STAB2: variants seen among roughly 807,000 people sequenced by gnomAD.
STAB2 encodes the protein stabilin-2.
STAB2 carries 288 observed loss-of-function variants against 338.1 expected under a neutral mutation model. That is an observed-to-expected ratio of 0.85 (90% CI 0.77 to 0.94). The LOEUF (loss-of-function observed/expected upper bound fraction) is 0.94, where lower values mean the gene tolerates loss of function less well. Ranked by LOEUF, STAB2 falls within the 40% of genes least tolerant of loss-of-function variation. The pLI is 0.00. For missense variants in STAB2, 3,141 were observed against 3,210.1 expected (o/e 0.98, Z 0.52); for synonymous variants, 1,202 against 1,193.3 (o/e 1.01, Z -0.15).
intron 1 of STAB2, 64 bp downstream of exon 1, chr12:103,587,621 G>A (rs545253711): frequency 5.9e-5 from 80 of 1,364,932 alleles, no homozygotes; most frequent in East Asian, 2.4e-4. Flanking sequence ...AAAGCTTGTC[G>A]TTTTCCTCTG....
chr12:103,646,672 T>C (rs1211441667), intron 9 of STAB2, among the ~76,000 whole-genome samples: 1 of 152,232 alleles, frequency 6.6e-6, no homozygotes, highest in Non-Finnish European at 1.5e-5. Context: ...TTATCATCTT[T>C]GTAGCTCTCT....
At chr12:103,761,054 G>T (rs577126314) in intron 65 of STAB2, among the ~76,000 whole-genome samples, 1 of 152,172 alleles carries the variant, frequency 6.6e-6, no homozygotes, top group Non-Finnish European at 1.5e-5. Context: ...TCACTCATCT[G>T]TCAGACAAGT....
intron 23 of STAB2, among the ~76,000 whole-genome samples, chr12:103,675,467 G>A (rs1345312881): frequency 6.6e-6 from 1 of 152,188 alleles, no homozygotes; most frequent in African/African-American, 2.4e-5. Flanking sequence ...AGACAGAGTA[G>A]AACTCTTCTT....
chr12:103,693,881 G>A (rs1421305155), intron 31 of STAB2, among the ~76,000 whole-genome samples: 1 of 151,892 alleles, frequency 6.6e-6, no homozygotes, highest in Non-Finnish European at 1.5e-5. Context: ...AGTTGGGCAC[G>A]GTGGCTCACT....
chr12:103,622,001 T>C, intron 4 of STAB2, 41 bp from the exon 5 acceptor site: 1 of 1,605,104 alleles, frequency 6.2e-7, no homozygotes, highest in Non-Finnish European at 8.5e-7. Context: ...GTACCATGGG[T>C]CACCTTGGGT....
intron 18 of STAB2, among the ~76,000 whole-genome samples, chr12:103,663,898 T>C (rs1466116926): frequency 6.6e-6 from 1 of 152,090 alleles, no homozygotes. Context: ...GCCTCTTCCT[T>C]CCCCTGTCCC....
chr12:103,724,943 C>T (rs1427674972), intron 44 of STAB2, 32 bp from the exon 45 acceptor site: 1 of 1,610,448 alleles, frequency 6.2e-7, no homozygotes, highest in East Asian at 2.2e-5. Flanking sequence ...CTGGTCTAAT[C>T]CCCATCCCTT....
chr12:103,676,063 T>C lies in STAB2; in HGVS notation c.2646+42T>C, dbSNP rs751123522. ...ATTTCCACCCTGCCTGGTTTCTTTT[T>C]TTTTTTTTTTTTTTTTGAGACAGAG... On this transcript the variant is annotated intron_variant, in intron 24 of 68. Coordinates refer to ENST00000388887, the MANE Select transcript of STAB2 (RefSeq NM_017564.10). 2,199 of 1,318,590 alleles carry C rather than the reference T, an allele frequency of 1.7e-3. 10 individuals are homozygous for C. In the Admixed American group the frequency reaches 0.022, roughly 13 times the overall value. 81.7% of individuals were successfully genotyped at this position (1,318,590 alleles called of 1,614,324 possible). A position where few individuals can be genotyped will look rare whatever the true frequency, so the allele number is the denominator to read the frequency against.
At chr12:103,641,516 G>T (rs1237534336) in intron 9 of STAB2, among the ~76,000 whole-genome samples, 1 of 152,092 alleles carries the variant, frequency 6.6e-6, no homozygotes, top group African/African-American at 2.4e-5. Context: ...ATACACCACA[G>T]CCATGCATAT....
chr12:103,670,695 G>C lies in STAB2; in HGVS notation c.2260-1G>C. On this transcript the variant is annotated splice_acceptor_variant, in intron 21 of 68. Transcript: ENST00000388887. LOFTEE classifies it high-confidence loss of function. Reference sequence around the variant, plus strand: ...CCCATGGGCCCTGCCTTTGCTCCCAGTGTGCAGATAGCCTCGGCGGCAACG... The same window carrying C: ...CCCATGGGCCCTGCCTTTGCTCCCACTGTGCAGATAGCCTCGGCGGCAACG... 6.2e-7 allele frequency: 1 copy of C among 1,613,682 alleles called. No individual in the cohort carries two copies. Among genetic ancestry groups the C allele is most frequent in the Non-Finnish European group, 8.5e-7 (1 of 1,179,750 alleles).
intron 3 of STAB2, among the ~76,000 whole-genome samples, chr12:103,609,876 T>C (rs1379345570): frequency 6.6e-6 from 1 of 152,228 alleles, no homozygotes; most frequent in Non-Finnish European, 1.5e-5. Flanking sequence ...ATACCTAATT[T>C]ATTAAGAGTT....
intron 52 of STAB2, 102 bp downstream of exon 52, chr12:103,735,682 C>T: frequency 1.0e-6 from 1 of 993,968 alleles, no homozygotes; most frequent in South Asian, 1.8e-5. Context: ...TTTTTCCCCT[C>T]CATTCATAGC....
At chr12:103,758,381 G>A (rs1884291734) in intron 64 of STAB2, 92 bp downstream of exon 64, 1 of 1,575,202 alleles carries the variant, frequency 6.3e-7, no homozygotes, top group Admixed American at 1.7e-5. Flanking sequence ...AAACTCAGTG[G>A]CTACACATTT....
chr12:103,693,846 T>C (rs373940659), intron 31 of STAB2, among the ~76,000 whole-genome samples: 31 of 152,122 alleles, frequency 2.0e-4, no homozygotes, highest in Admixed American at 5.2e-4. Context: ...TAACAATTAA[T>C]TGTGTTTTAA....
chr12:103,740,663 T>C lies in STAB2; in HGVS notation c.5788T>C (p.Phe1930Leu). 2 of 1,612,134 alleles carry C rather than the reference T, an allele frequency of 1.2e-6. No individual in the cohort carries two copies. Among genetic ancestry groups the C allele is most frequent in the Non-Finnish European group, 1.7e-6 (2 of 1,179,324 alleles). The stretch of plus-strand genomic sequence containing the variant: ...GCAGAAGTGTCTCTACAACCTGCCC[T>C]TCAAGAGGAACCTGGAAGGCTGCCG... ...VKQKCLYNLP[F>L]KRNLEGCRER... Residue 1930 changes from phenylalanine to leucine, a missense_variant, in exon 55 of 69, where the codon TTC becomes CTC. Coordinates refer to ENST00000388887, the MANE Select transcript of STAB2 (RefSeq NM_017564.10).
intron 37 of STAB2, among the ~76,000 whole-genome samples, chr12:103,706,199 T>G (rs2138980164): frequency 6.6e-6 from 1 of 152,292 alleles, no homozygotes; most frequent in African/African-American, 2.4e-5. Flanking sequence ...ACATAACCTC[T>G]GCCTAGCTGG....
At chr12:103,612,810 C>T (rs7974104) in intron 3 of STAB2, among the ~76,000 whole-genome samples, 48,884 of 151,976 alleles carry the variant, frequency 0.32, 10,020 homozygotes, top group African/African-American at 0.58. Flanking sequence ...TTCCCCATCT[C>T]TGTGGTTTTA....
chr12:103,610,986 A>G (rs1373083280), intron 3 of STAB2, among the ~76,000 whole-genome samples: 7 of 152,200 alleles, frequency 4.6e-5, no homozygotes, highest in Admixed American at 2.6e-4. Context: ...GTTTCTATGT[A>G]GTGGAGCGGT....
chr12:103,689,012 T>C (rs1184118512), intron 28 of STAB2, among the ~76,000 whole-genome samples: 1 of 20,688 alleles, frequency 4.8e-5, no homozygotes, highest in African/African-American at 1.9e-4. Context: ...GTCTTTTGGT[T>C]TTTTTTTTTC....
Sources: allele counts gnomAD v4.1 joint callset (sites outside exome capture counted in the v4.1 genomes callset), GRCh38; gene constraint gnomAD v4.1.1; transcripts MANE v1.5; gene names NCBI Gene and HGNC (gene_info 2026-07-23, HGNC 2026-07-21).